UBR3: variants seen among roughly 807,000 people sequenced by gnomAD.
UBR3 encodes the protein ubiquitin protein ligase E3 component n-recognin 3, also known as E3 ubiquitin-protein ligase UBR3.
In UBR3, 85 loss-of-function variants were observed where a neutral mutation model predicts 243.2. The ratio of observed to expected loss-of-function variants is 0.35; its 90% CI spans 0.29 to 0.42. The LOEUF is 0.42. UBR3 is among the 10% of genes least tolerant of loss of function. The pLI is 1.00. For synonymous variants in UBR3, 748 were observed against 799.8 expected, an observed-to-expected ratio of 0.94 and a Z score of 1.09; for missense variants, 1,686 against 2,300.8, an observed-to-expected ratio of 0.73 and a Z score of 5.47.
chr2:169,901,780 TG>T (rs771287879), intron 8 of UBR3, among the ~76,000 whole-genome samples: 5 of 152,336 alleles, frequency 3.3e-5, no homozygotes, highest in Admixed American at 1.3e-4. Context: ...ATATGCTTTG[TG>T]GTTCCAAACA....
At chr2:170,005,124 T>C (rs1440631236) in intron 27 of UBR3, among the ~76,000 whole-genome samples, 2 of 152,068 alleles carry the variant, frequency 1.3e-5, no homozygotes, top group Non-Finnish European at 2.9e-5. Flanking sequence ...CTCAGGAGGC[T>C]GAGGCAGGAG....
At chr2:169,976,485 A>T (rs970169157) in intron 24 of UBR3, among the ~76,000 whole-genome samples, 4 of 151,846 alleles carry the variant, frequency 2.6e-5, no homozygotes, top group Non-Finnish European at 4.4e-5. Flanking sequence ...TCTAGGAGAG[A>T]CTTTATTTCT....
At chr2:169,966,117 G>A (rs1394622615) in intron 24 of UBR3, among the ~76,000 whole-genome samples, 2 of 152,072 alleles carry the variant, frequency 1.3e-5, no homozygotes, top group Non-Finnish European at 2.9e-5. Context: ...ACATGAAGAG[G>A]CAGTATTACT....
At chr2:169,966,746 T>C (rs73975710) in intron 24 of UBR3, among the ~76,000 whole-genome samples, 8,201 of 152,228 alleles carry the variant, frequency 0.054, 397 homozygotes, top group African/African-American at 0.13. Context: ...GTTGAGAGGG[T>C]CAAATGTACG....
chr2:169,947,251 T>C (rs2086821632), intron 21 of UBR3, among the ~76,000 whole-genome samples: 1 of 152,178 alleles, frequency 6.6e-6, no homozygotes. Context: ...GGATGAATAT[T>C]CTGTAATGTT....
At chr2:170,055,317 C>T (rs947418605) in intron 32 of UBR3, 143 bp from the exon 33 acceptor site, 16 of 870,744 alleles carry the variant, frequency 1.8e-5, no homozygotes, top group East Asian at 6.6e-5. Flanking sequence ...ACTGAGACCT[C>T]GTCTCAAAAA....
intron 24 of UBR3, chr2:169,964,394 G>A (rs1220739165): frequency 4.3e-6 from 2 of 469,686 alleles, no homozygotes; most frequent in East Asian, 7.0e-5. Flanking sequence ...ACTCACAAGT[G>A]AGACAAAACA....
At chr2:170,024,367 A>G (rs202193391) in intron 30 of UBR3, among the ~76,000 whole-genome samples, 1 of 142,318 alleles carries the variant, frequency 7.0e-6, no homozygotes, top group African/African-American at 2.5e-5. Context: ...AAAAAAAAAA[A>G]AAAAAAAAGA....
chr2:170,001,499 G>C (rs2089694108), intron 27 of UBR3, 85 bp downstream of exon 27: 1 of 767,888 alleles, frequency 1.3e-6, no homozygotes, highest in Non-Finnish European at 2.2e-6. Context: ...CCCAATTCCA[G>C]CTCATCTTTT....
At chr2:170,039,920 G>T (rs901955959) in intron 31 of UBR3, among the ~76,000 whole-genome samples, 3 of 151,954 alleles carry the variant, frequency 2.0e-5, no homozygotes, top group Non-Finnish European at 4.4e-5. Flanking sequence ...TTTTTGTAGA[G>T]ACAGGGTCTC....
intron 36 of UBR3, among the ~76,000 whole-genome samples, chr2:170,074,736 A>T (rs1414625868): frequency 1.3e-5 from 2 of 152,036 alleles, no homozygotes; most frequent in Non-Finnish European, 1.5e-5. Context: ...TCTTCCTTAC[A>T]TCCTAATCCC....
chr2:169,946,240 C>T, intron 20 of UBR3, 48 bp from the exon 21 acceptor site: 1 of 1,109,360 alleles, frequency 9.0e-7, no homozygotes, highest in Non-Finnish European at 1.3e-6. Flanking sequence ...AATGAAATAC[C>T]TTTTGTGGAA....
chr2:169,979,267 A>G (rs1006134613), intron 24 of UBR3, among the ~76,000 whole-genome samples: 2 of 152,212 alleles, frequency 1.3e-5, no homozygotes, highest in Non-Finnish European at 2.9e-5. Flanking sequence ...TTGTGAGAAT[A>G]CAGAGCAGTG....
At chr2:169,856,426 G>A (rs1220161970) in intron 1 of UBR3, among the ~76,000 whole-genome samples, 10 of 152,168 alleles carry the variant, frequency 6.6e-5, no homozygotes, top group Admixed American at 3.9e-4. Context: ...CTTCTTAGAC[G>A]GGGTGGCGGC....
At chr2:169,997,403 A>G (rs1185323855) in intron 26 of UBR3, among the ~76,000 whole-genome samples, 5 of 152,112 alleles carry the variant, frequency 3.3e-5, no homozygotes, top group Non-Finnish European at 5.9e-5. Flanking sequence ...AGGGGGATGC[A>G]GTGGCACCCG....
At position 170,055,441 on chromosome 2, in the gene UBR3, G is replaced by T. The variant is rs369037780; in HGVS notation, c.4661-19G>T. 2.5e-6 allele frequency: 4 copies of T among 1,605,146 alleles called. No individual in the cohort carries two copies. The highest frequency in any genetic ancestry group is 2.2e-5 in the South Asian group (2 of 88,936). ...AATATCTAGATTCCAAAGAAATAAT[G>T]ATTTTTTTTCTCTTGCAGACCACTT... On this transcript the variant is annotated intron_variant, in intron 32 of 38. Coordinates refer to ENST00000272793, the MANE Select transcript of UBR3 (RefSeq NM_172070.4).
chr2:169,850,560 T>A (rs2082622481), intron 1 of UBR3, among the ~76,000 whole-genome samples: 1 of 152,130 alleles, frequency 6.6e-6, no homozygotes, highest in African/African-American at 2.4e-5. Context: ...AAGTTATAAT[T>A]GAGGCCGGGC....
At chr2:170,023,869 C>T (rs1384234251) in intron 30 of UBR3, among the ~76,000 whole-genome samples, 1 of 152,140 alleles carries the variant, frequency 6.6e-6, no homozygotes, top group Admixed American at 6.5e-5. Context: ...AGCCATTGTG[C>T]CCGGCCTAAT....
At chr2:169,828,883 G>A (rs1188244621) in intron 1 of UBR3, among the ~76,000 whole-genome samples, 1 of 152,200 alleles carries the variant, frequency 6.6e-6, no homozygotes, top group African/African-American at 2.4e-5. Context: ...CGATGCATCA[G>A]ATGTTGGGAC....
Sources: gnomAD v4.1 joint callset for allele counts (sites outside exome capture counted in the v4.1 genomes callset) on GRCh38, gnomAD v4.1.1 for gene constraint, MANE v1.5 for transcripts, NCBI Gene and HGNC (gene_info 2026-07-23, HGNC 2026-07-21) for gene names.